KLHL18: variants seen among roughly 807,000 people sequenced by gnomAD.
KLHL18 encodes kelch like family member 18.
In KLHL18, 38 loss-of-function variants were observed where a neutral mutation model predicts 58.5. The ratio of observed to expected loss-of-function variants is 0.65; its 90% CI spans 0.50 to 0.85. The LOEUF is 0.85. Ranked by LOEUF, KLHL18 falls within the 40% of genes least tolerant of loss-of-function variation. The pLI is 0.00. For missense variants in KLHL18, 624 were observed against 778.4 expected (o/e 0.80, Z 2.36); for synonymous variants, 303 against 301.9 (o/e 1.00, Z -0.04).
At chr3:47,297,522 C>T in intron 1 of KLHL18, 3 of 456,576 alleles carry the variant, frequency 6.6e-6, no homozygotes, top group Non-Finnish European at 8.8e-6. Flanking sequence ...ACAAATTGAC[C>T]CTAAGCCTCA....
rs536722633 is a variant in KLHL18, at chr3:47,311,503, T to C, written c.130-8150T>C. Among the ~76,000 whole-genome samples the C allele has an allele frequency of 4.5e-4, 68 of 152,034 alleles. No homozygotes were observed. The South Asian group carries it at 9.3e-3, about 21-fold the overall frequency. On this transcript the variant is annotated intron_variant, in intron 1 of 9. Coordinates refer to ENST00000232766, the MANE Select transcript of KLHL18 (RefSeq NM_025010.5). ...GTCAGGAGATCAAGACCATTCTGGC[T>C]AACATAGTGAAACCCCGTCTCTACT...
At chr3:47,340,073 T>C (rs1002656759) in intron 7 of KLHL18, among the ~76,000 whole-genome samples, 2 of 152,198 alleles carry the variant, frequency 1.3e-5, no homozygotes, top group Non-Finnish European at 2.9e-5. Context: ...AAGTGGCAGA[T>C]AGATTCCTGG....
intron 7 of KLHL18, 144 bp from the exon 8 acceptor site, chr3:47,340,428 C>G: frequency 8.2e-7 from 1 of 1,217,594 alleles, no homozygotes; most frequent in African/African-American, 1.5e-5. Context: ...CTTCTGTCAC[C>G]TCAGTTTTAT....
At position 47,344,248 on chromosome 3, in the gene KLHL18, C is replaced by T. The variant is rs1176432303; in HGVS notation, c.*307C>T. 7.4e-6 allele frequency: 3 copies of T among 407,582 alleles called. No individual in the cohort carries two copies. The highest frequency in any genetic ancestry group is 1.3e-5 in the Non-Finnish European group (3 of 226,266). The allele number at this position is 407,582 out of a possible 1,614,324, so 25.2% of individuals were successfully genotyped here. ...CAGGCCCAGCTCCTACCCACCGCCTCTCTGTGGGCCAGCTGTTCACAGAAG... is the reference window on the plus strand; with the variant it reads ...CAGGCCCAGCTCCTACCCACCGCCTTTCTGTGGGCCAGCTGTTCACAGAAG... On this transcript the variant is annotated 3_prime_UTR_variant, in exon 10 of 10. Coordinates refer to ENST00000232766, the MANE Select transcript of KLHL18 (RefSeq NM_025010.5).
intron 3 of KLHL18, among the ~76,000 whole-genome samples, chr3:47,325,657 G>A (rs576173835): frequency 3.9e-5 from 6 of 152,256 alleles, no homozygotes; most frequent in South Asian, 2.1e-4. Context: ...TCTTCAGCCC[G>A]CTGCTTTTTT....
At chr3:47,296,967 C>T (rs1170326356) in intron 1 of KLHL18, among the ~76,000 whole-genome samples, 1 of 152,216 alleles carries the variant, frequency 6.6e-6, no homozygotes, top group Non-Finnish European at 1.5e-5. Context: ...CTCTCCCTTC[C>T]TCTGCTCCCA....
At chr3:47,324,298 CTTTTT>C (rs769288621) in intron 3 of KLHL18, among the ~76,000 whole-genome samples, 123 of 37,478 alleles carry the variant, frequency 3.3e-3, no homozygotes, top group East Asian at 0.014. Flanking sequence ...TTCTTTCTTT[CTTTTT>C]TTTTTTTTTT....
chr3:47,322,580 T>A lies in KLHL18; in HGVS notation c.273T>A (p.Ala91=). The A allele has an allele frequency of 1.2e-6, 2 of 1,604,716 alleles. No homozygotes were observed. Among genetic ancestry groups the A allele is most frequent in the Non-Finnish European group, 1.7e-6 (2 of 1,176,056 alleles). The change falls in exon 3 of 10, where the codon GCT becomes GCA. Residue 91 remains alanine, a synonymous_variant. Transcript: ENST00000232766. The part of the protein sequence containing the change: ...MQGMDPSALE[A]LINFAYNGNL... ...CTCTTTCCTCTAGTGCCCTGGAGGC[T>A]CTGATCAACTTTGCCTACAACGGCA...
chr3:47,301,105 G>A (rs1274403859), intron 1 of KLHL18, among the ~76,000 whole-genome samples: 1 of 151,924 alleles, frequency 6.6e-6, no homozygotes, highest in Non-Finnish European at 1.5e-5. Flanking sequence ...AGTTTTTAGA[G>A]TTCTTTACAT....
At chr3:47,322,166 A>G (rs1703604325) in intron 2 of KLHL18, among the ~76,000 whole-genome samples, 1 of 152,232 alleles carries the variant, frequency 6.6e-6, no homozygotes, top group African/African-American at 2.4e-5. Flanking sequence ...AATAAATGAT[A>G]GCATATTTGC....
At position 47,340,592 on chromosome 3, in the gene KLHL18, TG is replaced by T; in HGVS notation, c.1144del (p.Asp382MetfsTer32). 6.2e-7 allele frequency: 1 copy of T among 1,614,106 alleles called. No individual in the cohort carries two copies. The highest frequency in any genetic ancestry group is 1.7e-5 in the Admixed American group (1 of 60,020). On this transcript the variant is annotated frameshift_variant, in exon 8 of 10. Transcript: ENST00000232766. LOFTEE classifies it high-confidence loss of function. Reference sequence around the variant, plus strand: ...TTCAGTGCCATGGGGACAGTCGTGCTGGATGGGCAGATCTACGTCTGTGGGG... The same window carrying T: ...TTCAGTGCCATGGGGACAGTCGTGCTGATGGGCAGATCTACGTCTGTGGGG... ...SKRSAMGTVVLDGQIYVCGGY... is the reference protein window; with the variant it reads ...SKRSAMGTVVXDGQIYVCGGY...
In KLHL18 at chr3:47,310,454, A is replaced by G. The variant is rs1294585833; in HGVS notation, c.130-9199A>G. Among the ~76,000 whole-genome samples the G allele has an allele frequency of 2.6e-5, 4 of 152,286 alleles. 1 individual carries two copies. The South Asian group carries it at 8.3e-4, about 32-fold the overall frequency. On this transcript the variant is annotated intron_variant, in intron 1 of 9. Transcript: ENST00000232766. ...TGTTGAAGTTCTTCAAGGCTGTCTT[A>G]TAGCCTCTTTTCTTCACACTTCGAG...
chr3:47,329,376 C>T (rs556071275), intron 3 of KLHL18, among the ~76,000 whole-genome samples: 104 of 152,036 alleles, frequency 6.8e-4, no homozygotes, highest in Admixed American at 1.0e-3. Flanking sequence ...TACAGGCGCC[C>T]GCCACCACAC....
At chr3:47,319,432 G>A (rs971546202) in intron 1 of KLHL18, among the ~76,000 whole-genome samples, 3 of 152,236 alleles carry the variant, frequency 2.0e-5, no homozygotes, top group South Asian at 2.1e-4. Flanking sequence ...AAAATGTATT[G>A]TTTACATTCT....
At chr3:47,309,605 G>A (rs1356598933) in intron 1 of KLHL18, among the ~76,000 whole-genome samples, 3 of 152,198 alleles carry the variant, frequency 2.0e-5, no homozygotes, top group South Asian at 2.1e-4. Flanking sequence ...GTTGGCGGCC[G>A]GGCAGAGGCT....
intron 1 of KLHL18, among the ~76,000 whole-genome samples, chr3:47,310,222 A>T (rs1349291954): frequency 2.0e-5 from 3 of 152,116 alleles, no homozygotes; most frequent in Non-Finnish European, 2.9e-5. Context: ...TAGGGAACAG[A>T]ATTTGTGTTG....
chr3:47,302,755 A>G (rs999600242), intron 1 of KLHL18, among the ~76,000 whole-genome samples: 1 of 152,212 alleles, frequency 6.6e-6, no homozygotes, highest in South Asian at 2.1e-4. Flanking sequence ...TCGTTTCTCC[A>G]AACATTTTTC....
intron 1 of KLHL18, among the ~76,000 whole-genome samples, chr3:47,285,003 AG>A (rs1320516742): frequency 2.0e-5 from 3 of 151,832 alleles, no homozygotes; most frequent in African/African-American, 7.3e-5. Flanking sequence ...GTGTGTTTTT[AG>A]TAGAGACAGG....
rs1025231474 is a variant in KLHL18 at position 47,345,235 on chromosome 3, T to G, written c.*1294T>G. ...CTAACCAGGGCTTCCTTCTACCAGC[T>G]GTGGGCGGGCTTGGTCTGGTAACCT... On this transcript the variant is annotated 3_prime_UTR_variant, in exon 10 of 10. Transcript: ENST00000232766. The G allele has an allele frequency of 1.3e-5, 2 of 152,870 alleles. No individual in the cohort carries two copies. Among genetic ancestry groups the G allele is most frequent in the South Asian group, 4.1e-4 (2 of 4,828 alleles). 9.5% of individuals were successfully genotyped at this position (152,870 alleles called of 1,614,324 possible).
Sources: gnomAD v4.1 joint callset for allele counts (sites outside exome capture counted in the v4.1 genomes callset) on GRCh38, gnomAD v4.1.1 for gene constraint, MANE v1.5 for transcripts, NCBI Gene and HGNC (gene_info 2026-07-23, HGNC 2026-07-21) for gene names.